ZFHX3: variants seen among roughly 807,000 people sequenced by gnomAD.
ZFHX3 encodes zinc finger homeobox protein 3.
A neutral mutation model predicts 279.1 loss-of-function variants in ZFHX3; 42 were observed. The observed-to-expected ratio is 0.15, with a 90% confidence interval of 0.12 to 0.19. The LOEUF is 0.19. Among genes scored for constraint, ZFHX3 ranks in the 10% least tolerant of loss-of-function variants. The pLI is 1.00. For missense variants in ZFHX3, 4,981 were observed against 4,754.0 expected (o/e 1.05, Z -1.40); for synonymous variants, 2,293 against 1,957.8 (o/e 1.17, Z -4.52).
intron 4 of ZFHX3, 40 bp downstream of exon 4, chr16:72,889,691 A>T (rs1227863276): frequency 6.3e-7 from 1 of 1,597,618 alleles, no homozygotes; most frequent in African/African-American, 1.3e-5. Context: ...GTGAACACCC[A>T]GGCCCAACCT....
intron 3 of ZFHX3, among the ~76,000 whole-genome samples, chr16:73,398,404 G>A (rs2017175130): frequency 6.6e-6 from 1 of 152,204 alleles, no homozygotes; most frequent in Non-Finnish European, 1.5e-5. Context: ...AGGGAAGTGG[G>A]GAAGAGCCCG....
intron 2 of ZFHX3, among the ~76,000 whole-genome samples, chr16:73,644,045 C>G (rs1022991215): frequency 6.6e-6 from 1 of 152,122 alleles, no homozygotes; most frequent in African/African-American, 2.4e-5. Context: ...GTTCATTCAT[C>G]TTTCTGCAGG....
At chr16:73,507,675 T>C (rs939167507) in intron 2 of ZFHX3, among the ~76,000 whole-genome samples, 11 of 151,856 alleles carry the variant, frequency 7.2e-5, no homozygotes, top group Admixed American at 6.6e-4. Context: ...TTTCTTTTAA[T>C]GTTTTTGTAG....
intron 5 of ZFHX3, among the ~76,000 whole-genome samples, chr16:73,149,972 G>C (rs796609011): frequency 6.6e-5 from 10 of 152,198 alleles, no homozygotes; most frequent in African/African-American, 2.4e-4. Flanking sequence ...GGGTTGAGTG[G>C]TTCCTAATTT....
chr16:73,389,338 T>C (rs1445232787), intron 3 of ZFHX3: 1 of 152,250 alleles, frequency 6.6e-6, no homozygotes, highest in African/African-American at 2.4e-5. Flanking sequence ...CCATGTGGTC[T>C]GAAATATTTG....
At chr16:73,298,067 T>C (rs1597269859) in intron 4 of ZFHX3, among the ~76,000 whole-genome samples, 1 of 151,766 alleles carries the variant, frequency 6.6e-6, no homozygotes, top group South Asian at 2.1e-4. Context: ...GGCATGTGCC[T>C]ATAATACTAG....
At chr16:72,790,920 A>G (rs375532919) in intron 9 of ZFHX3, 3 of 152,252 alleles carry the variant, frequency 2.0e-5, no homozygotes, top group Non-Finnish European at 2.9e-5. Flanking sequence ...GATGGTCTAT[A>G]TAAGAGGTTC....
intron 3 of ZFHX3, among the ~76,000 whole-genome samples, chr16:73,402,966 TAG>T (rs1202279297): frequency 1.3e-5 from 2 of 150,552 alleles, no homozygotes; most frequent in Non-Finnish European, 2.9e-5. Flanking sequence ...TAAGAGGTAA[TAG>T]AGAGAGCTAA....
intron 1 of ZFHX3, chr16:73,812,578 C>T (rs552348469): frequency 1.3e-5 from 2 of 152,384 alleles, no homozygotes; most frequent in Admixed American, 6.5e-5. Context: ...TTGCCTCATC[C>T]CTACCAGGTC....
intron 3 of ZFHX3, among the ~76,000 whole-genome samples, chr16:72,899,956 C>A (rs1173675766): frequency 6.6e-6 from 1 of 152,116 alleles, no homozygotes; most frequent in African/African-American, 2.4e-5. Context: ...CCTCCCCAGG[C>A]TCCAAAAGGC....
intron 1 of ZFHX3, among the ~76,000 whole-genome samples, chr16:73,714,916 C>T (rs1237906205): frequency 6.6e-6 from 1 of 152,182 alleles, no homozygotes; most frequent in African/African-American, 2.4e-5. Context: ...GTTAACAAAG[C>T]AACTGCAAAC....
chr16:72,891,115 A>T (rs1225554379), intron 3 of ZFHX3, among the ~76,000 whole-genome samples: 1 of 152,228 alleles, frequency 6.6e-6, no homozygotes, highest in Admixed American at 6.5e-5. Context: ...CACCTAGATT[A>T]AAAAATGCCA....
intron 3 of ZFHX3, among the ~76,000 whole-genome samples, chr16:72,945,655 T>G (rs924735283): frequency 3.3e-5 from 5 of 152,094 alleles, no homozygotes; most frequent in Non-Finnish European, 5.9e-5. Context: ...GGCAGAAGTA[T>G]GTACTTAAAA....
chr16:73,766,887 G>A (rs929718065), intron 1 of ZFHX3, among the ~76,000 whole-genome samples: 3 of 150,272 alleles, frequency 2.0e-5, no homozygotes, highest in Non-Finnish European at 4.4e-5. Flanking sequence ...CATTTATGGT[G>A]TTAAGTATTA....
At chr16:73,173,825 A>G (rs1967596299) in intron 5 of ZFHX3, among the ~76,000 whole-genome samples, 1 of 152,204 alleles carries the variant, frequency 6.6e-6, no homozygotes, top group Non-Finnish European at 1.5e-5. Context: ...GGCGCAGGGC[A>G]GTTGCAAGCC....
intron 4 of ZFHX3, among the ~76,000 whole-genome samples, chr16:73,308,129 ATAAG>A (rs1280198039): frequency 6.6e-6 from 1 of 151,478 alleles, no homozygotes; most frequent in African/African-American, 2.4e-5. Context: ...TGTCGGAGAG[ATAAG>A]TAATAAAAAA....
intron 4 of ZFHX3, among the ~76,000 whole-genome samples, chr16:72,851,954 A>C (rs2037629834): frequency 6.6e-6 from 1 of 152,222 alleles, no homozygotes; most frequent in African/African-American, 2.4e-5. Flanking sequence ...TGGCCAAGTT[A>C]AACAGCTTTT....
chr16:73,053,386 C>A (rs890303325), intron 1 of ZFHX3, among the ~76,000 whole-genome samples: 1 of 152,106 alleles, frequency 6.6e-6, no homozygotes, highest in African/African-American at 2.4e-5. Flanking sequence ...CCTTGAAACA[C>A]TTTCTTTTTT....
At chr16:73,212,605 T>C (rs947997811) in intron 5 of ZFHX3, among the ~76,000 whole-genome samples, 22 of 152,256 alleles carry the variant, frequency 1.4e-4, no homozygotes, top group Admixed American at 1.0e-3. Flanking sequence ...TGTGGAGATA[T>C]GGAGCCACCT....
Sources: allele counts gnomAD v4.1 joint callset (sites outside exome capture counted in the v4.1 genomes callset), GRCh38; gene constraint gnomAD v4.1.1; transcripts MANE v1.5; gene names NCBI Gene and HGNC (gene_info 2026-07-23, HGNC 2026-07-21).